The following RAPGEF4 variants were observed in gnomAD, a reference collection of about 807,000 sequenced individuals.
The protein encoded by RAPGEF4 is RAP guanine-nucleotide-exchange factor (GEF) 4.
RAPGEF4 carries 66 observed loss-of-function variants against 147.9 expected under a neutral mutation model. That is an observed-to-expected ratio of 0.45 (90% CI 0.37 to 0.55). RAPGEF4 has a LOEUF of 0.55. RAPGEF4 is among the 20% of genes least tolerant of loss of function. The pLI, the probability that RAPGEF4 is intolerant of heterozygous loss-of-function variation, is 0.00. For synonymous variants in RAPGEF4, 419 were observed against 442.7 expected, an observed-to-expected ratio of 0.95 and a Z score of 0.67; for missense variants, 1,071 against 1,257.3, an observed-to-expected ratio of 0.85 and a Z score of 2.24.
chr2:172,918,017 C>T (rs1684267328), intron 5 of RAPGEF4, 143 bp downstream of exon 5: 1 of 785,534 alleles, frequency 1.3e-6, no homozygotes, highest in South Asian at 1.4e-5. Flanking sequence ...CCAGCTCACA[C>T]TGGAGATATT....
chr2:172,998,223 A>G (rs185580688), intron 16 of RAPGEF4, among the ~76,000 whole-genome samples: 68 of 152,350 alleles, frequency 4.5e-4, no homozygotes, highest in African/African-American at 1.4e-3. Flanking sequence ...TGGAAAATAT[A>G]GAGTGGCCCT....
chr2:172,933,958 A>G (rs941106897), intron 6 of RAPGEF4, among the ~76,000 whole-genome samples: 28 of 152,124 alleles, frequency 1.8e-4, no homozygotes, highest in African/African-American at 6.3e-4. Flanking sequence ...CCTGCTTGAA[A>G]CAATTTATTC....
intron 4 of RAPGEF4, among the ~76,000 whole-genome samples, chr2:172,830,619 T>C (rs534124977): frequency 6.6e-6 from 1 of 152,284 alleles, no homozygotes; most frequent in Admixed American, 6.5e-5. Context: ...TATTTATTCA[T>C]TTGAGACAGA....
chr2:172,822,747 G>A (rs562618837), intron 4 of RAPGEF4, among the ~76,000 whole-genome samples: 3 of 152,274 alleles, frequency 2.0e-5, no homozygotes, highest in South Asian at 2.1e-4. Flanking sequence ...TCCCTTGGCC[G>A]TGCACTAGCC....
chr2:173,037,471 G>A (rs144316198), intron 29 of RAPGEF4, among the ~76,000 whole-genome samples: 4 of 152,206 alleles, frequency 2.6e-5, no homozygotes, highest in African/African-American at 9.7e-5. Flanking sequence ...ACTCCTAGCG[G>A]GGGGGAAAGC....
intron 4 of RAPGEF4, among the ~76,000 whole-genome samples, chr2:172,824,195 A>G (rs1269748125): frequency 6.6e-6 from 1 of 152,204 alleles, no homozygotes; most frequent in Non-Finnish European, 1.5e-5. Flanking sequence ...AGTTCTTAAA[A>G]CTGGTTTCAC....
chr2:172,808,883 G>A (rs1314065586), intron 3 of RAPGEF4, among the ~76,000 whole-genome samples: 3 of 152,206 alleles, frequency 2.0e-5, no homozygotes, highest in African/African-American at 4.8e-5. Flanking sequence ...ACCATGGGTA[G>A]CCTCCACGTG....
At chr2:172,766,881 C>G (rs1294599629) in intron 1 of RAPGEF4, among the ~76,000 whole-genome samples, 2 of 152,170 alleles carry the variant, frequency 1.3e-5, no homozygotes, top group African/African-American at 2.4e-5. Context: ...CGTGCATATA[C>G]ACAATTCATT....
chr2:172,825,908 TC>T (rs1035502098), intron 4 of RAPGEF4, among the ~76,000 whole-genome samples: 1 of 152,242 alleles, frequency 6.6e-6, no homozygotes, highest in African/African-American at 2.4e-5. Flanking sequence ...AAATTTTTTG[TC>T]GCTTCTCTCA....
chr2:172,977,693 A>C (rs1236771204), intron 10 of RAPGEF4, among the ~76,000 whole-genome samples: 2 of 152,108 alleles, frequency 1.3e-5, no homozygotes, highest in East Asian at 3.9e-4. Flanking sequence ...CTCAACTTTC[A>C]ATCCTAATGA....
At chr2:172,837,210 A>C (rs1008027651) in intron 4 of RAPGEF4, among the ~76,000 whole-genome samples, 3 of 152,200 alleles carry the variant, frequency 2.0e-5, no homozygotes, top group Non-Finnish European at 2.9e-5. Flanking sequence ...TATATGACTA[A>C]TGCTTGCTAT....
chr2:172,874,405 C>G lies in RAPGEF4; in HGVS notation c.445-43397C>G, dbSNP rs546527621. On this transcript the variant is annotated intron_variant, in intron 4 of 30. Transcript: ENST00000397081. ...TAATGCCATCCCTCCCTGCTCCCCTCACCCCACAACAGGCCCCGGTGTGTA... is the reference window on the plus strand; with the variant it reads ...TAATGCCATCCCTCCCTGCTCCCCTGACCCCACAACAGGCCCCGGTGTGTA... Among the ~76,000 whole-genome samples, 11 of 152,156 alleles carry G rather than the reference C, an allele frequency of 7.2e-5. No homozygotes were observed. The East Asian group carries it at 1.5e-3, about 21-fold the overall frequency.
intron 29 of RAPGEF4, among the ~76,000 whole-genome samples, chr2:173,047,868 G>A (rs1202912843): frequency 6.6e-6 from 1 of 152,068 alleles, no homozygotes; most frequent in Non-Finnish European, 1.5e-5. Flanking sequence ...AGTAGAGAGG[G>A]GGTTTCACCG....
At chr2:172,928,869 G>C (rs1468549821) in intron 6 of RAPGEF4, among the ~76,000 whole-genome samples, 2 of 152,152 alleles carry the variant, frequency 1.3e-5, no homozygotes, top group South Asian at 4.1e-4. Context: ...GCTTCTTCTT[G>C]CTCTCACTTA....
At chr2:172,748,263 A>G (rs950855562) in intron 1 of RAPGEF4, among the ~76,000 whole-genome samples, 2 of 152,230 alleles carry the variant, frequency 1.3e-5, no homozygotes, top group African/African-American at 4.8e-5. Context: ...TTTCAATAAC[A>G]TACTAATTTA....
chr2:172,783,746 GTGTGTGTATGTGCT>G (rs777252263), intron 1 of RAPGEF4, among the ~76,000 whole-genome samples: 51 of 151,130 alleles, frequency 3.4e-4, no homozygotes, highest in Non-Finnish European at 6.0e-4. Flanking sequence ...GGGTATCTGT[GTGTGTGTATGTGCT>G]TGTGTGTATG....
At chr2:172,857,166 G>T (rs1168385613) in intron 4 of RAPGEF4, among the ~76,000 whole-genome samples, 1 of 123,706 alleles carries the variant, frequency 8.1e-6, no homozygotes, top group Non-Finnish European at 1.9e-5. Flanking sequence ...ATACGCGCGT[G>T]TGCGCGCGCA....
At chr2:172,905,421 C>T (rs1163309207) in intron 4 of RAPGEF4, among the ~76,000 whole-genome samples, 1 of 152,194 alleles carries the variant, frequency 6.6e-6, no homozygotes, top group East Asian at 1.9e-4. Flanking sequence ...ATTAATCTGA[C>T]TGCCTTCTAT....
intron 3 of RAPGEF4, among the ~76,000 whole-genome samples, chr2:172,803,363 T>A (rs1376833324): frequency 2.6e-5 from 4 of 152,188 alleles, no homozygotes; most frequent in African/African-American, 4.8e-5. Flanking sequence ...CAACACCACA[T>A]GGAAGCTGCC....
Sources: allele counts gnomAD v4.1 joint callset (sites outside exome capture counted in the v4.1 genomes callset), GRCh38; gene constraint gnomAD v4.1.1; transcripts MANE v1.5; gene names NCBI Gene and HGNC (gene_info 2026-07-23, HGNC 2026-07-21).